Variants in WDR7 observed in about 807,000 individuals in gnomAD.
WDR7 encodes WD repeat-containing protein 7.
A neutral mutation model predicts 169.4 loss-of-function variants in WDR7; 46 were observed. The ratio of observed to expected loss-of-function variants is 0.27; its 90% CI spans 0.21 to 0.35. The LOEUF (loss-of-function observed/expected upper bound fraction) is 0.35. Among genes scored for constraint, WDR7 ranks in the 10% least tolerant of loss-of-function variants. The pLI is 1.00. For synonymous variants in WDR7, 612 were observed against 666.8 expected (o/e 0.92, Z 1.27); for missense variants, 1,534 against 1,859.3 (o/e 0.83, Z 3.22).
At chr18:56,813,355 A>C (rs2044908643) in intron 19 of WDR7, among the ~76,000 whole-genome samples, 1 of 152,126 alleles carries the variant, frequency 6.6e-6, no homozygotes, top group Non-Finnish European at 1.5e-5. Context: ...ATTCCTGATC[A>C]TAGGGCAAAA....
chr18:56,722,845 A>G (rs2026353103), intron 13 of WDR7, among the ~76,000 whole-genome samples: 1 of 151,964 alleles, frequency 6.6e-6, no homozygotes, highest in Admixed American at 6.6e-5. Context: ...ATTGTAATTT[A>G]TGGCCATATT....
chr18:56,695,233 T>G (rs751387180), intron 11 of WDR7, 35 bp downstream of exon 11: 11 of 1,594,894 alleles, frequency 6.9e-6, no homozygotes, highest in Non-Finnish European at 9.4e-6. Context: ...TAAAGTGTTT[T>G]GACAACTCTT....
intron 22 of WDR7, among the ~76,000 whole-genome samples, chr18:56,931,831 G>T (rs1198984603): frequency 1.3e-5 from 2 of 152,018 alleles, no homozygotes; most frequent in African/African-American, 2.4e-5. Context: ...CAAAATACTA[G>T]AATAAAATAA....
chr18:56,963,207 G>A lies in WDR7; in HGVS notation c.4164+678G>A, dbSNP rs560479879. On this transcript the variant is annotated intron_variant, in intron 26 of 27. Transcript: ENST00000254442. ...CATAGCCTTAAATCACTTTATCCCA[G>A]AGTCGCACTGTTACTTCACAAAATC... Among the ~76,000 whole-genome samples the A allele has an allele frequency of 2.6e-5, 4 of 152,200 alleles. No individual in the cohort carries two copies. In the South Asian group the frequency reaches 6.2e-4, roughly 24 times the overall value.
intron 20 of WDR7, among the ~76,000 whole-genome samples, chr18:56,879,328 G>A (rs2046072312): frequency 6.6e-6 from 1 of 152,144 alleles, no homozygotes; most frequent in Admixed American, 6.5e-5. Context: ...TGGATGTGAA[G>A]TGGTATCTCA....
intron 26 of WDR7, among the ~76,000 whole-genome samples, chr18:57,013,583 T>C (rs950392916): frequency 1.3e-5 from 2 of 152,188 alleles, no homozygotes; most frequent in African/African-American, 4.8e-5. Flanking sequence ...AATTAGTAAA[T>C]TGGAGAAGAG....
At chr18:56,832,514 T>C (rs147387929) in intron 20 of WDR7, among the ~76,000 whole-genome samples, 2,674 of 152,294 alleles carry the variant, frequency 0.018, 28 homozygotes, top group Middle Eastern at 0.048. Context: ...CCTCCTCAAG[T>C]GGGACCCTGA....
chr18:56,895,520 T>C (rs150081073), intron 21 of WDR7, among the ~76,000 whole-genome samples: 1,619 of 151,692 alleles, frequency 0.011, 33 homozygotes, highest in African/African-American at 0.035. Context: ...ATTTGTGTGG[T>C]TAAAATAAAT....
At chr18:56,911,462 T>G (rs2046550703) in intron 21 of WDR7, among the ~76,000 whole-genome samples, 1 of 152,188 alleles carries the variant, frequency 6.6e-6, no homozygotes, top group Non-Finnish European at 1.5e-5. Flanking sequence ...AAAGGAAACA[T>G]TTAAAGTGCT....
chr18:57,025,516 T>C (rs1488530400), intron 27 of WDR7, among the ~76,000 whole-genome samples: 2 of 152,248 alleles, frequency 1.3e-5, no homozygotes, highest in Non-Finnish European at 2.9e-5. Context: ...ACTGCCTGGC[T>C]GGAAACAGGA....
At chr18:56,771,715 C>G (rs1472818909) in intron 16 of WDR7, among the ~76,000 whole-genome samples, 1 of 151,838 alleles carries the variant, frequency 6.6e-6, no homozygotes, top group Non-Finnish European at 1.5e-5. Context: ...AACCCCATCT[C>G]TACTAGAAAA....
intron 20 of WDR7, among the ~76,000 whole-genome samples, chr18:56,816,514 A>G (rs1168429963): frequency 6.6e-6 from 1 of 152,192 alleles, no homozygotes; most frequent in Non-Finnish European, 1.5e-5. Flanking sequence ...AAATACTAAA[A>G]TTTAATCACA....
chr18:57,004,304 G>C (rs891599240), intron 26 of WDR7, among the ~76,000 whole-genome samples: 2 of 152,038 alleles, frequency 1.3e-5, no homozygotes, highest in Non-Finnish European at 2.9e-5. Flanking sequence ...TGTATATCCA[G>C]AGATGTTAGA....
At chr18:56,911,276 T>C (rs987887681) in intron 21 of WDR7, among the ~76,000 whole-genome samples, 2 of 152,232 alleles carry the variant, frequency 1.3e-5, no homozygotes, top group Admixed American at 6.5e-5. Context: ...GACATGTTTA[T>C]TGCCTTAACT....
Position 57,001,397 on chromosome 18 carries a change from C to T in WDR7, c.4165-19348C>T, listed in dbSNP as rs1349289656. On this transcript the variant is annotated intron_variant, in intron 26 of 27. Transcript: ENST00000254442. Reference sequence around the variant, plus strand: ...AGACCTGATGGAAAACTTGAAAATGCGTTCTGGGGAACAGCCTTAGCCTTG... The same window carrying T: ...AGACCTGATGGAAAACTTGAAAATGTGTTCTGGGGAACAGCCTTAGCCTTG... 2.0e-5 allele frequency among the ~76,000 whole-genome samples: 3 copies of T among 152,036 alleles called. No homozygotes were observed. In the East Asian group the frequency reaches 5.8e-4, roughly 29 times the overall value.
At chr18:56,896,684 A>T (rs1470494398) in intron 21 of WDR7, among the ~76,000 whole-genome samples, 1 of 151,914 alleles carries the variant, frequency 6.6e-6, no homozygotes. Flanking sequence ...CATTACCAAA[A>T]ATCAATTCCA....
At chr18:56,694,495 A>G (rs2025653139) in intron 9 of WDR7, 124 bp from the exon 10 acceptor site, 6 of 853,572 alleles carry the variant, frequency 7.0e-6, no homozygotes, top group Non-Finnish European at 1.1e-5. Context: ...TAATCATGCT[A>G]TAAACACTTT....
intron 25 of WDR7, among the ~76,000 whole-genome samples, chr18:56,940,019 T>C (rs1457743704): frequency 4.6e-5 from 7 of 152,084 alleles, no homozygotes; most frequent in Middle Eastern, 3.4e-3. Flanking sequence ...TTATGTTTAT[T>C]TTTCTTTCAA....
intron 1 of WDR7, among the ~76,000 whole-genome samples, chr18:56,671,763 G>T (rs2025140636): frequency 6.6e-6 from 1 of 152,116 alleles, no homozygotes; most frequent in South Asian, 2.1e-4. Flanking sequence ...TTGTGCCTCA[G>T]TGTCTTTGTC....
Sources: gnomAD v4.1 joint callset for allele counts (sites outside exome capture counted in the v4.1 genomes callset) on GRCh38, gnomAD v4.1.1 for gene constraint, MANE v1.5 for transcripts, NCBI Gene and HGNC (gene_info 2026-07-23, HGNC 2026-07-21) for gene names.